NBEAL1: variants seen among roughly 807,000 people sequenced by gnomAD.
NBEAL1 encodes neurobeachin-like protein 1.
A neutral mutation model predicts 351.3 loss-of-function variants in NBEAL1; 273 were observed. That is an observed-to-expected ratio of 0.78 (90% confidence interval 0.70 to 0.86). The LOEUF is 0.86. Ranked by LOEUF, NBEAL1 falls within the 40% of genes least tolerant of loss-of-function variation. NBEAL1 has a pLI of 0.00. For missense variants in NBEAL1, 2,961 were observed against 3,201.3 expected (o/e 0.92, Z 1.81); for synonymous variants, 1,050 against 1,086.4 (o/e 0.97, Z 0.66).
rs539274072 is a variant in NBEAL1 at position 203,218,988 on chromosome 2, C to G, written c.*1634C>G. Reference sequence around the variant, plus strand: ...AATGTCAAGGTGTCTTTTCTTAAGACTTCAGGAATTTGTATTGAACAAAGT... The same window carrying G: ...AATGTCAAGGTGTCTTTTCTTAAGAGTTCAGGAATTTGTATTGAACAAAGT... On this transcript the variant is annotated 3_prime_UTR_variant, in exon 56 of 56. Coordinates refer to ENST00000683969, the MANE Select transcript of NBEAL1 (RefSeq NM_001378026.1). 6.6e-6 allele frequency: 1 copy of G among 152,184 alleles called. No individual in the cohort carries two copies. Among genetic ancestry groups the G allele is most frequent in the Non-Finnish European group, 1.5e-5 (1 of 67,994 alleles). The allele number at this position is 152,184 out of a possible 1,614,324, so 9.4% of individuals were successfully genotyped here.
rs557452697 is a variant in NBEAL1, at chr2:203,126,176, T to C, written c.2985+83T>C. On this transcript the variant is annotated intron_variant, in intron 21 of 55. Transcript: ENST00000683969. ...TGGGATTTTTTCTTCCTAATAAATATATTTTTAAAGATTATTACAACTTGA... is the reference window on the plus strand; with the variant it reads ...TGGGATTTTTTCTTCCTAATAAATACATTTTTAAAGATTATTACAACTTGA... The C allele has an allele frequency of 1.7e-5, 23 of 1,325,046 alleles. No individual in the cohort carries two copies. In the East Asian group the frequency reaches 5.8e-4, roughly 33 times the overall value. The allele number at this position is 1,325,046 out of a possible 1,614,324, so 82.1% of individuals were successfully genotyped here.
At chr2:203,071,833 G>C (rs1373652098) in intron 7 of NBEAL1, among the ~76,000 whole-genome samples, 1 of 152,198 alleles carries the variant, frequency 6.6e-6, no homozygotes, top group Non-Finnish European at 1.5e-5. Context: ...AGGGGTGACA[G>C]GTCTCAGGTA....
intron 3 of NBEAL1, among the ~76,000 whole-genome samples, chr2:203,042,998 A>G (rs769681580): frequency 6.6e-6 from 1 of 152,208 alleles, no homozygotes; most frequent in Non-Finnish European, 1.5e-5. Context: ...TATGAATAAC[A>G]AAAGACATTC....
intron 51 of NBEAL1, among the ~76,000 whole-genome samples, chr2:203,206,509 C>CT (rs2065568539): frequency 6.6e-6 from 1 of 152,158 alleles, no homozygotes; most frequent in Non-Finnish European, 1.5e-5. Flanking sequence ...TCACTGCAAC[C>CT]TCCCTGCCTG....
chr2:203,199,538 A>T (rs922814353), intron 49 of NBEAL1, 91 bp downstream of exon 49: 2 of 651,258 alleles, frequency 3.1e-6, no homozygotes, highest in Admixed American at 3.1e-5. Flanking sequence ...TTATTCTGAA[A>T]GAAATATTTT....
At chr2:203,194,012 A>C in intron 47 of NBEAL1, 101 bp downstream of exon 47, 1 of 604,538 alleles carries the variant, frequency 1.7e-6, no homozygotes, top group Non-Finnish European at 2.8e-6. Flanking sequence ...ATAATATTTA[A>C]TTCAAGATAG....
At chr2:203,053,967 C>T (rs2061365644) in intron 4 of NBEAL1, among the ~76,000 whole-genome samples, 1 of 152,032 alleles carries the variant, frequency 6.6e-6, no homozygotes, top group African/African-American at 2.4e-5. Context: ...AAAATTGAGA[C>T]AGAGTCTTGC....
At chr2:203,099,604 CT>C (rs2062265075) in intron 11 of NBEAL1, 24 bp from the exon 12 acceptor site, 1 of 1,457,260 alleles carries the variant, frequency 6.9e-7, no homozygotes, top group African/African-American at 1.4e-5. Flanking sequence ...TTGTTAATTT[CT>C]TGTTTCCCCT....
intron 31 of NBEAL1, among the ~76,000 whole-genome samples, chr2:203,139,653 C>T (rs560658837): frequency 6.8e-6 from 1 of 147,280 alleles, no homozygotes; most frequent in Admixed American, 6.8e-5. Flanking sequence ...TAACCTCCAC[C>T]TCCCAGGTTC....
chr2:203,174,216 C>CAAAAAAAAAGGAAAAAAAA (rs2064418776), intron 41 of NBEAL1, among the ~76,000 whole-genome samples: 1 of 24,592 alleles, frequency 4.1e-5, no homozygotes, highest in African/African-American at 1.1e-4. Flanking sequence ...TTTATACTAG[C>CAAAAAAAAAGGAAAAAAAA]AAAAAAAAAA....
chr2:203,180,556 G>T, intron 43 of NBEAL1, 44 bp downstream of exon 43: 1 of 1,541,476 alleles, frequency 6.5e-7, no homozygotes, highest in Non-Finnish European at 8.7e-7. Context: ...GGTCCCAATG[G>T]AGGAGCCTCA....
Position 203,143,905 on chromosome 2 carries a change from C to T in NBEAL1, c.4849-695C>T, listed in dbSNP as rs573716977. 2.1e-3 allele frequency among the ~76,000 whole-genome samples: 314 copies of T among 152,046 alleles called. 2 individuals are homozygous for T. The highest frequency in any genetic ancestry group is 3.2e-3 in the Non-Finnish European group (216 of 67,950). On this transcript the variant is annotated intron_variant, in intron 31 of 55. Coordinates refer to ENST00000683969, the MANE Select transcript of NBEAL1 (RefSeq NM_001378026.1). Reference sequence around the variant, plus strand: ...AGCAAAATCAGACAAGTTTGCTGCCCGGTATAAAAGATTTGGGTTCCCTTT... The same window carrying T: ...AGCAAAATCAGACAAGTTTGCTGCCTGGTATAAAAGATTTGGGTTCCCTTT...
At chr2:203,097,657 T>TTTCAGCTGATTTTGGAC in intron 11 of NBEAL1, 24 bp downstream of exon 11, 1 of 964,984 alleles carries the variant, frequency 1.0e-6, no homozygotes, top group Non-Finnish European at 1.2e-6. Flanking sequence ...CTGCATCTTG[T>TTTCAGCTGATTTTGGAC]TTCAGCTGAA....
intron 35 of NBEAL1, among the ~76,000 whole-genome samples, chr2:203,155,895 T>A (rs982554728): frequency 6.6e-6 from 1 of 152,208 alleles, no homozygotes; most frequent in Non-Finnish European, 1.5e-5. Context: ...TTTACCTGTG[T>A]TCTTCCTGAG....
rs1574908670 is a variant in NBEAL1, at chr2:203,057,459, T to C, written c.515+6T>C. The C allele has an allele frequency of 9.7e-6, 15 of 1,543,642 alleles. No homozygotes were observed. The highest frequency in any genetic ancestry group is 1.3e-5 in the Non-Finnish European group (15 of 1,142,706). ...TGGAGACATAGAATTTCAGGGTATGTCTTATAAATAATAACGTTCATTTAA... is the reference window on the plus strand; with the variant it reads ...TGGAGACATAGAATTTCAGGGTATGCCTTATAAATAATAACGTTCATTTAA... On this transcript the variant is annotated splice_donor_region_variant and intron_variant, in intron 6 of 55. Coordinates refer to ENST00000683969, the MANE Select transcript of NBEAL1 (RefSeq NM_001378026.1).
chr2:203,204,049 C>T (rs2065478642), intron 51 of NBEAL1, among the ~76,000 whole-genome samples: 1 of 151,616 alleles, frequency 6.6e-6, no homozygotes, highest in African/African-American at 2.4e-5. Context: ...CTGCCTCAGT[C>T]TCCTGAGTAG....
At position 203,059,207 on chromosome 2, in the gene NBEAL1, A is replaced by G. The variant is rs1392563687; in HGVS notation, c.515+1754A>G. Among the ~76,000 whole-genome samples, 15 of 152,224 alleles carry G rather than the reference A, an allele frequency of 9.9e-5. No individual in the cohort carries two copies. The South Asian group carries it at 1.0e-3, about 10-fold the overall frequency. On this transcript the variant is annotated intron_variant, in intron 6 of 55. Coordinates refer to ENST00000683969, the MANE Select transcript of NBEAL1 (RefSeq NM_001378026.1). ...TGTGGTAACACCTTTTGTATGTTCT[A>G]TATAGTGATGTAATATTTTATTGAA...
intron 51 of NBEAL1, among the ~76,000 whole-genome samples, chr2:203,207,001 T>C (rs954480218): frequency 8.1e-5 from 12 of 148,424 alleles, no homozygotes; most frequent in Non-Finnish European, 1.5e-5. Context: ...CGCCATCCCA[T>C]CTAGGAAGTG....
At chr2:203,177,252 A>G (rs2064537721) in intron 42 of NBEAL1, among the ~76,000 whole-genome samples, 1 of 151,680 alleles carries the variant, frequency 6.6e-6, no homozygotes, top group South Asian at 2.1e-4. Context: ...AAACCCTTAC[A>G]CTCAAGGTAA....
Sources: gnomAD v4.1 joint callset for allele counts (sites outside exome capture counted in the v4.1 genomes callset) on GRCh38, gnomAD v4.1.1 for gene constraint, MANE v1.5 for transcripts, NCBI Gene and HGNC (gene_info 2026-07-23, HGNC 2026-07-21) for gene names.